MAOB: variants seen among roughly 807,000 people sequenced by gnomAD.
MAOB encodes monoamine oxidase B.
MAOB carries 15 observed loss-of-function variants against 41.9 expected under a neutral mutation model. That is an observed-to-expected ratio of 0.36 (90% CI 0.24 to 0.55). The LOEUF is 0.55. MAOB is among the 20% of genes least tolerant of loss of function. The pLI, the probability that MAOB is intolerant of heterozygous loss-of-function variation, is 0.86. For synonymous variants in MAOB, 167 were observed against 144.2 expected (o/e 1.16, Z -1.13); for missense variants, 345 against 398.7 (o/e 0.87, Z 1.15).
chrX:43,780,316 GA>G, intron 10 of MAOB, 25 bp downstream of exon 10: 1 of 1,175,711 alleles, frequency 8.5e-7, no homozygotes, highest in South Asian at 1.8e-5. Context: ...AGGAAGAAAC[GA>G]AAGAAGCAGC....
chrX:43,849,464 G>A (rs1024215709), intron 1 of MAOB, among the ~76,000 whole-genome samples: 8 of 112,529 alleles, frequency 7.1e-5, no homozygotes, highest in Non-Finnish European at 1.5e-4. Context: ...GCATGCCTTC[G>A]TGTAAATTGC....
chrX:43,861,479 A>G (rs1402881856), intron 1 of MAOB, among the ~76,000 whole-genome samples: 1 of 112,398 alleles, frequency 8.9e-6, no homozygotes, highest in African/African-American at 3.2e-5. Context: ...GAAAAAATTT[A>G]AAGTACCAGT....
intron 3 of MAOB, among the ~76,000 whole-genome samples, chrX:43,827,196 T>C (rs2034959711): frequency 8.9e-6 from 1 of 111,836 alleles, no homozygotes. Flanking sequence ...CATAAAAACA[T>C]AACCCCACAA....
At chrX:43,851,110 G>A (rs902266023) in intron 1 of MAOB, among the ~76,000 whole-genome samples, 1 of 111,369 alleles carries the variant, frequency 9.0e-6, no homozygotes. Flanking sequence ...TCTCAACATA[G>A]TCTCCCATGA....
intron 1 of MAOB, 21 bp from the exon 2 acceptor site, chrX:43,843,785 A>T (rs2035168967): frequency 1.2e-5 from 14 of 1,206,700 alleles, no homozygotes; most frequent in Non-Finnish European, 1.3e-5. Flanking sequence ...AGACAGTAAG[A>T]CATCAGGATC....
At chrX:43,776,030 C>T (rs1044139025) in intron 11 of MAOB, among the ~76,000 whole-genome samples, 7 of 112,221 alleles carry the variant, frequency 6.2e-5, no homozygotes, top group Admixed American at 2.8e-4. Flanking sequence ...GTAAGGCATC[C>T]TATTTACAAA....
intron 8 of MAOB, among the ~76,000 whole-genome samples, chrX:43,784,600 C>T (rs2034376185): frequency 8.9e-6 from 1 of 112,151 alleles, no homozygotes; most frequent in East Asian, 2.8e-4. Context: ...GTCATTCAGA[C>T]TTTGTTGCTG....
intron 1 of MAOB, among the ~76,000 whole-genome samples, chrX:43,878,101 C>T (rs188049658): frequency 6.8e-4 from 76 of 111,578 alleles, no homozygotes; most frequent in African/African-American, 1.4e-3. Context: ...TGAAACAAGC[C>T]GGCCAGGAAG....
intron 1 of MAOB, among the ~76,000 whole-genome samples, chrX:43,848,634 C>T (rs2035228565): frequency 8.9e-6 from 1 of 111,852 alleles, no homozygotes; most frequent in South Asian, 3.7e-4. Context: ...CTCACTGCAA[C>T]CTCTGCCTCC....
chrX:43,851,064 T>C (rs1259604673), intron 1 of MAOB, among the ~76,000 whole-genome samples: 1 of 112,332 alleles, frequency 8.9e-6, no homozygotes, highest in Non-Finnish European at 1.9e-5. Flanking sequence ...CTTTTATGTA[T>C]TGTAATCGTG....
At chrX:43,802,844 C>T (rs1268992237) in intron 4 of MAOB, among the ~76,000 whole-genome samples, 2 of 110,864 alleles carry the variant, frequency 1.8e-5, no homozygotes, top group Admixed American at 9.6e-5. Flanking sequence ...GGCTTAAAAC[C>T]TAGACGATGG....
chrX:43,873,822 G>A (rs1214821789), intron 1 of MAOB, among the ~76,000 whole-genome samples: 2 of 110,762 alleles, frequency 1.8e-5, no homozygotes, highest in African/African-American at 6.6e-5. Context: ...GACTACAGGC[G>A]CCCACCACCA....
At chrX:43,838,288 C>T (rs1428931638) in intron 3 of MAOB, among the ~76,000 whole-genome samples, 7 of 111,385 alleles carry the variant, frequency 6.3e-5, no homozygotes, top group African/African-American at 2.3e-4. Flanking sequence ...TCATGGAAGC[C>T]AGAACTATGA....
chrX:43,848,833 A>G (rs1222444780), intron 1 of MAOB, among the ~76,000 whole-genome samples: 4 of 111,966 alleles, frequency 3.6e-5, no homozygotes, highest in Non-Finnish European at 5.6e-5. Flanking sequence ...GGATTATAAA[A>G]GCCAATAATA....
intron 8 of MAOB, among the ~76,000 whole-genome samples, chrX:43,785,647 A>G (rs2034389388): frequency 8.9e-6 from 1 of 112,327 alleles, no homozygotes; most frequent in South Asian, 3.7e-4. Context: ...TTTTGATTTA[A>G]AGCAAGAGAT....
chrX:43,826,409 C>T (rs1479048947), intron 3 of MAOB, among the ~76,000 whole-genome samples: 1 of 112,237 alleles, frequency 8.9e-6, no homozygotes. Context: ...TTCTTTCAAT[C>T]ATTTACACAA....
intron 3 of MAOB, among the ~76,000 whole-genome samples, chrX:43,837,342 G>A (rs750697041): frequency 1.8e-5 from 2 of 112,257 alleles, no homozygotes; most frequent in African/African-American, 6.5e-5. Flanking sequence ...AGGGAAGGAA[G>A]GTGGAAAGGC....
intron 1 of MAOB, among the ~76,000 whole-genome samples, chrX:43,869,160 C>G (rs1039485121): frequency 2.7e-5 from 3 of 111,554 alleles, no homozygotes; most frequent in Non-Finnish European, 5.6e-5. Flanking sequence ...TATCATAACA[C>G]TAATGGTCTA....
In MAOB at chrX:43,804,450, G is replaced by A. The variant is rs189769268; in HGVS notation, c.280-1046C>T. ...ATTCCTTAGAGAAACAGAACCAACA[G>A]GAGAAAGAGAGAGAGAGAGAGAGAG... On this transcript the variant is annotated intron_variant, in intron 3 of 14. Transcript: ENST00000378069. 3.4e-3 allele frequency among the ~76,000 whole-genome samples: 375 copies of A among 108,824 alleles called. 2 individuals are homozygous for A. The highest frequency in any genetic ancestry group is 0.012 in the African/African-American group (350 of 29,433). 94.5% of individuals were successfully genotyped at this position (108,824 alleles called of 115,157 possible). A position where few individuals can be genotyped will look rare whatever the true frequency, so the allele number is the denominator to read the frequency against.
Sources: gnomAD v4.1 joint callset for allele counts (sites outside exome capture counted in the v4.1 genomes callset) on GRCh38, gnomAD v4.1.1 for gene constraint, MANE v1.5 for transcripts, NCBI Gene and HGNC (gene_info 2026-07-23, HGNC 2026-07-21) for gene names.